Variants in MICU3 observed in about 807,000 individuals in gnomAD.
The protein encoded by MICU3 is mitochondrial calcium uptake 3.
In MICU3, 62 loss-of-function variants were observed where a neutral mutation model predicts 66.5. The ratio of observed to expected loss-of-function variants is 0.93; its 90% CI spans 0.76 to 1.15. The LOEUF (loss-of-function observed/expected upper bound fraction) is 1.15, where lower values mean the gene tolerates loss of function less well. Among genes scored for constraint, MICU3 ranks in the 50% most tolerant of loss-of-function variants. The pLI, the probability that MICU3 is intolerant of heterozygous loss-of-function variation, is 0.00. For missense variants in MICU3, 779 were observed against 664.4 expected (o/e 1.17, Z -1.90); for synonymous variants, 308 against 240.7 (o/e 1.28, Z -2.59).
At chr8:17,088,107 C>T (rs188972957) in intron 7 of MICU3, among the ~76,000 whole-genome samples, 2 of 151,860 alleles carry the variant, frequency 1.3e-5, no homozygotes, top group East Asian at 1.9e-4. Context: ...ATGAAGTGTA[C>T]GTTTATATTT....
chr8:17,105,434 A>T lies in MICU3; in HGVS notation c.1107A>T (p.Thr369=). ...ATAGATTCATGGATAATCTCCAAAC[A>T]GAAGTTCTAGAAATAGAATTCCTTT... ...DFYRFMDNLQ[T]EVLEIEFLSY... is the part of the protein sequence containing the mutation. Residue 369 remains threonine, a synonymous_variant, in exon 11 of 15, where the codon ACA becomes ACT. Coordinates refer to ENST00000318063, the MANE Select transcript of MICU3 (RefSeq NM_181723.3). The T allele has an allele frequency of 7.1e-6, 11 of 1,555,498 alleles. No individual in the cohort carries two copies. Among genetic ancestry groups the T allele is most frequent in the Non-Finnish European group, 8.7e-6 (10 of 1,145,850 alleles).
chr8:17,028,014 A>C (rs1286863904), intron 1 of MICU3, among the ~76,000 whole-genome samples: 1 of 152,176 alleles, frequency 6.6e-6, no homozygotes, highest in Non-Finnish European at 1.5e-5. Flanking sequence ...GAACTCCTAG[A>C]TTGCGCGGGG....
At position 17,027,502 on chromosome 8, in the gene MICU3, G is replaced by T. The variant is rs1195055446; in HGVS notation, c.223G>T (p.Gly75Trp). ...GELSVAAAAG[G>W]GLVGLVCYQL... ...GCTGAGCGTGGCGGCGGCGGCCGGC[G>T]GGGGGCTGGTCGGCCTGGTATGCTA... is the stretch of plus-strand genomic sequence containing the variant. The change falls in exon 1 of 15, where the codon GGG becomes TGG. Residue 75 changes from glycine (G) to tryptophan (W), a missense_variant. Coordinates refer to ENST00000318063, the MANE Select transcript of MICU3 (RefSeq NM_181723.3). 14 of 1,282,008 alleles carry T rather than the reference G, an allele frequency of 1.1e-5. No individual in the cohort carries two copies. Among genetic ancestry groups the T allele is most frequent in the Non-Finnish European group, 1.3e-5 (13 of 1,019,118 alleles). The allele number at this position is 1,282,008 out of a possible 1,614,324, so 79.4% of individuals were successfully genotyped here. A position where few individuals can be genotyped will look rare whatever the true frequency, so the allele number is the denominator to read the frequency against.
intron 9 of MICU3, among the ~76,000 whole-genome samples, chr8:17,100,789 AGAC>A (rs1801191636): frequency 6.6e-6 from 1 of 151,742 alleles, no homozygotes; most frequent in African/African-American, 2.4e-5. Context: ...ATCAGAGCTA[AGAC>A]TACTTTCTAA....
chr8:17,031,786 C>G (rs1328014116), intron 1 of MICU3, among the ~76,000 whole-genome samples: 1 of 152,112 alleles, frequency 6.6e-6, no homozygotes, highest in South Asian at 2.1e-4. Context: ...TACAGAAATA[C>G]AGTTCTCTTA....
intron 1 of MICU3, among the ~76,000 whole-genome samples, chr8:17,031,881 A>G (rs1023694214): frequency 6.6e-6 from 1 of 152,152 alleles, no homozygotes; most frequent in South Asian, 2.1e-4. Context: ...TTGTTGAAAT[A>G]TCTCTCTCTA....
At chr8:17,064,876 A>C (rs983958368) in intron 2 of MICU3, among the ~76,000 whole-genome samples, 1 of 151,968 alleles carries the variant, frequency 6.6e-6, no homozygotes, top group African/African-American at 2.4e-5. Flanking sequence ...TATTATAGGT[A>C]CTCTCCTTTG....
At chr8:17,054,738 CTTT>C (rs559605289) in intron 1 of MICU3, among the ~76,000 whole-genome samples, 17,174 of 122,334 alleles carry the variant, frequency 0.14, 1,752 homozygotes, top group African/African-American at 0.38. Flanking sequence ...TTCTTTCTTT[CTTT>C]TTTTTTTTTT....
intron 8 of MICU3, among the ~76,000 whole-genome samples, chr8:17,094,491 T>C (rs1031975303): frequency 1.3e-5 from 2 of 152,064 alleles, no homozygotes; most frequent in African/African-American, 4.8e-5. Context: ...GATATTGTTT[T>C]ACATATTTTG....
chr8:17,083,286 G>A (rs1821462614), intron 5 of MICU3, among the ~76,000 whole-genome samples: 1 of 152,052 alleles, frequency 6.6e-6, no homozygotes, highest in South Asian at 2.1e-4. Context: ...TCAAGCATAG[G>A]TCTTAGGTTT....
chr8:17,116,349 T>G lies in MICU3; in HGVS notation c.1367-94T>G, dbSNP rs549180311. ...TGTTGCATAAGATCATGATTCACAT[T>G]TAGAAAACAACTTCTTTTACAACCT... On this transcript the variant is annotated intron_variant, in intron 12 of 14. Transcript: ENST00000318063. The G allele has an allele frequency of 6.2e-6, 5 of 802,378 alleles. No individual in the cohort carries two copies. In the East Asian group the frequency reaches 1.3e-4, roughly 21 times the overall value. The allele number at this position is 802,378 out of a possible 1,614,324, so 49.7% of individuals were successfully genotyped here. A position where few individuals can be genotyped will look rare whatever the true frequency, so the allele number is the denominator to read the frequency against.
intron 3 of MICU3, among the ~76,000 whole-genome samples, chr8:17,072,816 G>C (rs1351697902): frequency 6.6e-6 from 1 of 152,180 alleles, no homozygotes; most frequent in Non-Finnish European, 1.5e-5. Context: ...TGAGCTTCCA[G>C]AAATCTGACA....
chr8:17,125,706 A>G (rs1375585600), downstream of MICU3, among the ~76,000 whole-genome samples: 1 of 152,094 alleles, frequency 6.6e-6, no homozygotes, highest in Non-Finnish European at 1.5e-5. Flanking sequence ...TGTTACCCCA[A>G]ACTTCAATCC....
intron 12 of MICU3, among the ~76,000 whole-genome samples, chr8:17,115,230 T>G (rs1482697817): frequency 1.3e-5 from 2 of 152,202 alleles, no homozygotes; most frequent in Admixed American, 6.5e-5. Context: ...ACATAGATAC[T>G]GATTTCATCA....
At chr8:17,102,175 A>G (rs1312598517) in intron 9 of MICU3, among the ~76,000 whole-genome samples, 2 of 151,650 alleles carry the variant, frequency 1.3e-5, no homozygotes, top group African/African-American at 4.8e-5. Context: ...CCCCCTTCTG[A>G]TCTACTCTTG....
At chr8:17,079,422 G>C (rs1309584668) in intron 4 of MICU3, among the ~76,000 whole-genome samples, 1 of 152,136 alleles carries the variant, frequency 6.6e-6, no homozygotes, top group East Asian at 1.9e-4. Context: ...GAATCATTAG[G>C]TTAGGTAAAA....
chr8:17,046,357 G>A (rs1815088691), intron 1 of MICU3, among the ~76,000 whole-genome samples: 1 of 152,168 alleles, frequency 6.6e-6, no homozygotes, highest in African/African-American at 2.4e-5. Context: ...TTTGGTCACA[G>A]AAGTCTTCTG....
At chr8:17,134,315 G>C in the MICU3 span, 3 of 152,224 alleles carry the variant, frequency 2.0e-5, no homozygotes, top group African/African-American at 7.2e-5. Context: ...AACCAGGAGA[G>C]CCAATGGTGT....
intron 1 of MICU3, among the ~76,000 whole-genome samples, chr8:17,047,716 C>T (rs1156985041): frequency 2.0e-5 from 3 of 151,960 alleles, no homozygotes; most frequent in African/African-American, 7.3e-5. Context: ...TTCTATACCT[C>T]GGTAAGTTAT....
Sources: allele counts gnomAD v4.1 joint callset (sites outside exome capture counted in the v4.1 genomes callset), GRCh38; gene constraint gnomAD v4.1.1; transcripts MANE v1.5; gene names NCBI Gene and HGNC (gene_info 2026-07-23, HGNC 2026-07-21).